TFCP2L1: variants seen among roughly 807,000 people sequenced by gnomAD.
TFCP2L1 encodes the protein transcription factor CP2-like protein 1.
A neutral mutation model predicts 72.2 loss-of-function variants in TFCP2L1; 12 were observed. That is an observed-to-expected ratio of 0.17 (90% CI 0.11 to 0.27). The LOEUF (loss-of-function observed/expected upper bound fraction) is 0.27, where lower values mean the gene tolerates loss of function less well. TFCP2L1 is among the 10% of genes least tolerant of loss of function. The pLI, the probability that TFCP2L1 is intolerant of heterozygous loss-of-function variation, is 1.00. For missense variants in TFCP2L1, 488 were observed against 624.6 expected, an observed-to-expected ratio of 0.78 and a Z score of 2.33; for synonymous variants, 260 against 251.0, an observed-to-expected ratio of 1.04 and a Z score of -0.34.
chr2:121,273,558 T>A (rs933770419), intron 2 of TFCP2L1, among the ~76,000 whole-genome samples: 1 of 152,238 alleles, frequency 6.6e-6, no homozygotes, highest in Non-Finnish European at 1.5e-5. Context: ...GACATCCCTA[T>A]GAAACACACA....
intron 3 of TFCP2L1, 129 bp downstream of exon 3, chr2:121,249,442 G>T: frequency 1.2e-6 from 1 of 813,632 alleles, no homozygotes; most frequent in Non-Finnish European, 2.0e-6. Context: ...TCTCACCGTT[G>T]AGGGCTGAGC....
At chr2:121,271,624 T>G (rs1474614099) in intron 2 of TFCP2L1, among the ~76,000 whole-genome samples, 1 of 152,212 alleles carries the variant, frequency 6.6e-6, no homozygotes, top group Non-Finnish European at 1.5e-5. Flanking sequence ...AAATTCAAAG[T>G]CACTGATATA....
intron 2 of TFCP2L1, among the ~76,000 whole-genome samples, chr2:121,262,416 A>T (rs1686844549): frequency 1.3e-5 from 2 of 152,184 alleles, no homozygotes; most frequent in Admixed American, 1.3e-4. Context: ...GTGAGCCAAG[A>T]TTGCACCACT....
intron 2 of TFCP2L1, among the ~76,000 whole-genome samples, chr2:121,250,963 T>A (rs752637229): frequency 2.6e-5 from 4 of 151,470 alleles, no homozygotes; most frequent in Non-Finnish European, 5.9e-5. Flanking sequence ...TATAGACTCT[T>A]AAGAAGTTAC....
In TFCP2L1 at chr2:121,224,398, GAA is replaced by G; in HGVS notation, c.1394-13_1394-12del. The stretch of plus-strand genomic sequence containing the variant: ...CATCATTGCTCTCAGCTGCAAGAGA[GAA>G]ACACTGGGTGTATTTCACAGGAAAA... On this transcript the variant is annotated splice_polypyrimidine_tract_variant and intron_variant, in intron 14 of 14. Coordinates refer to ENST00000263707, the MANE Select transcript of TFCP2L1 (RefSeq NM_014553.3). The G allele has an allele frequency of 6.2e-7, 1 of 1,613,550 alleles. No homozygotes were observed. The highest frequency in any genetic ancestry group is 8.5e-7 in the Non-Finnish European group (1 of 1,179,840).
intron 2 of TFCP2L1, among the ~76,000 whole-genome samples, chr2:121,267,974 C>T (rs1291870280): frequency 6.6e-6 from 1 of 152,148 alleles, no homozygotes; most frequent in African/African-American, 2.4e-5. Context: ...CCAACCTGGG[C>T]AACACAGGGA....
chr2:121,269,918 A>AAAAAAAAAAAAATATAT, intron 2 of TFCP2L1, among the ~76,000 whole-genome samples: 43 of 115,162 alleles, frequency 3.7e-4, no homozygotes, highest in African/African-American at 1.4e-3. Context: ...AAAAAAAAAA[A>AAAAAAAAAAAAATATAT]ATATATATAT....
rs74949000 is a variant in TFCP2L1 at position 121,279,714 on chromosome 2, T to C, written c.214+1406A>G. Reference sequence around the variant, plus strand: ...GAATCAAAGTTCGCGGAGAGGAAGCTACACATGTAAGACAAATTGCTACGA... The same window carrying C: ...GAATCAAAGTTCGCGGAGAGGAAGCCACACATGTAAGACAAATTGCTACGA... On this transcript the variant is annotated intron_variant, in intron 2 of 14. Transcript: ENST00000263707. 1.9e-3 allele frequency among the ~76,000 whole-genome samples: 291 copies of C among 152,338 alleles called. 2 individuals carry two copies. Among genetic ancestry groups the C allele is most frequent in the African/African-American group, 5.6e-3 (231 of 41,576 alleles).
At chr2:121,249,846 C>T (rs1333746370) in intron 2 of TFCP2L1, among the ~76,000 whole-genome samples, 199 bp from the exon 3 acceptor site, 3 of 152,218 alleles carry the variant, frequency 2.0e-5, no homozygotes, top group Non-Finnish European at 4.4e-5. Flanking sequence ...CAGGTCGGGC[C>T]TAGGATACCC....
intron 13 of TFCP2L1, among the ~76,000 whole-genome samples, chr2:121,230,023 T>C (rs1214552487): frequency 6.6e-6 from 1 of 152,160 alleles, no homozygotes; most frequent in Non-Finnish European, 1.5e-5. Context: ...ACTCCTTTGC[T>C]AGTCCAGGGT....
chr2:121,250,363 T>TATAC (rs1553433403), intron 2 of TFCP2L1, among the ~76,000 whole-genome samples: 45 of 148,164 alleles, frequency 3.0e-4, no homozygotes, highest in Admixed American at 1.8e-3. Flanking sequence ...TATATATATA[T>TATAC]ACACACACAC....
chr2:121,237,934 T>C, intron 8 of TFCP2L1, 84 bp from the exon 9 acceptor site: 1 of 1,425,114 alleles, frequency 7.0e-7, no homozygotes. Flanking sequence ...CTGGCACTTT[T>C]ACTTCCTATC....
chr2:121,233,978 G>A, intron 12 of TFCP2L1, 113 bp downstream of exon 12: 1 of 931,682 alleles, frequency 1.1e-6, no homozygotes. Flanking sequence ...GCATGTGGGA[G>A]CCCAGGACTG....
intron 13 of TFCP2L1, among the ~76,000 whole-genome samples, chr2:121,226,441 C>T (rs182580667): frequency 1.3e-5 from 2 of 151,874 alleles, no homozygotes; most frequent in African/African-American, 2.4e-5. Context: ...GTCTCTATAA[C>T]GGATGCATTA....
At chr2:121,264,012 G>C (rs1686881084) in intron 2 of TFCP2L1, among the ~76,000 whole-genome samples, 1 of 152,210 alleles carries the variant, frequency 6.6e-6, no homozygotes, top group South Asian at 2.1e-4. Flanking sequence ...GTAAAGAGTA[G>C]AAAAACCAAA....
intron 2 of TFCP2L1, among the ~76,000 whole-genome samples, chr2:121,262,233 G>A (rs144886717): frequency 0.033 from 4,977 of 152,242 alleles, 127 homozygotes; most frequent in East Asian, 0.14. Flanking sequence ...TTGGGAGGCC[G>A]AAGCAGGTGG....
intron 2 of TFCP2L1, among the ~76,000 whole-genome samples, chr2:121,270,164 C>T (rs938751209): frequency 2.6e-5 from 4 of 151,976 alleles, no homozygotes; most frequent in Non-Finnish European, 5.9e-5. Flanking sequence ...CTATATTTTC[C>T]CCACCAGTTA....
chr2:121,277,392 C>CA (rs748814741), intron 2 of TFCP2L1, among the ~76,000 whole-genome samples: 3 of 152,164 alleles, frequency 2.0e-5, no homozygotes, highest in Non-Finnish European at 2.9e-5. Flanking sequence ...AATCAGATGA[C>CA]AAAAAACAAT....
Position 121,217,562 on chromosome 2 carries a change from T to C in TFCP2L1, c.*6779A>G, listed in dbSNP as rs934293944. ...CAAAACCACCAAGCTGAGGCCACTG[T>C]GAGCAGTCCCCTTTGTAGCAGGAAG... On this transcript the variant is annotated 3_prime_UTR_variant, in exon 15 of 15. Transcript: ENST00000263707. 6.6e-6 allele frequency: 1 copy of C among 152,580 alleles called. No homozygotes were observed. The highest frequency in any genetic ancestry group is 2.4e-5 in the African/African-American group (1 of 41,482). The allele number at this position is 152,580 out of a possible 1,614,324, so 9.5% of individuals were successfully genotyped here. A position where few individuals can be genotyped will look rare whatever the true frequency, so the allele number is the denominator to read the frequency against.
Sources: allele counts gnomAD v4.1 joint callset (sites outside exome capture counted in the v4.1 genomes callset), GRCh38; gene constraint gnomAD v4.1.1; transcripts MANE v1.5; gene names NCBI Gene and HGNC (gene_info 2026-07-23, HGNC 2026-07-21).